DNASE2: variants seen among roughly 807,000 people sequenced by gnomAD.
DNASE2 encodes the protein deoxyribonuclease 2, lysosomal.
A neutral mutation model predicts 29.8 loss-of-function variants in DNASE2; 26 were observed. The observed-to-expected ratio is 0.87, with a 90% CI of 0.64 to 1.21. DNASE2 has a LOEUF of 1.21. Ranked by LOEUF, DNASE2 falls within the 50% of genes most tolerant of loss-of-function variation. The pLI is 0.00. For synonymous variants in DNASE2, 186 were observed against 193.5 expected, an observed-to-expected ratio of 0.96 and a Z score of 0.32; for missense variants, 415 against 455.6, an observed-to-expected ratio of 0.91 and a Z score of 0.81.
At position 12,876,296 on chromosome 19, in the gene DNASE2, A is replaced by G. The variant is rs368611869; in HGVS notation, c.777T>C (p.Thr259=). Residue 259 remains threonine, a synonymous_variant, in exon 6 of 6, where the codon ACT becomes ACC. Transcript: ENST00000222219. The part of the protein sequence containing the change: ...TNLQVQFWHK[T]VGILPSNCSD... ...AGCAGTTAGAGGGCAGGATGCCTACAGTTTTGTGCCAGAACTGGACCTGCA... is the reference window on the plus strand; with the variant it reads ...AGCAGTTAGAGGGCAGGATGCCTACGGTTTTGTGCCAGAACTGGACCTGCA... The G allele has an allele frequency of 3.7e-6, 6 of 1,613,978 alleles. No individual in the cohort carries two copies. Among genetic ancestry groups the G allele is most frequent in the Middle Eastern group, 3.3e-4 (2 of 6,082 alleles).
At position 12,878,285 on chromosome 19, in the gene DNASE2, G is replaced by C; in HGVS notation, c.709+97C>G. ...ATCATGTGATTATAGCTCCCAAACA[G>C]ACCTGGTCTCTACCGCTGACTTGAA... On this transcript the variant is annotated intron_variant, in intron 5 of 5. Coordinates refer to ENST00000222219, the MANE Select transcript of DNASE2 (RefSeq NM_001375.3). 9.4e-6 allele frequency: 14 copies of C among 1,482,162 alleles called. No individual in the cohort carries two copies. The South Asian group carries it at 1.5e-4, about 16-fold the overall frequency. The allele number at this position is 1,482,162 out of a possible 1,614,324, so 91.8% of individuals were successfully genotyped here.
chr19:12,881,104 C>T lies in DNASE2; in HGVS notation c.135G>A (p.Ala45=), dbSNP rs1441864216. ...LPALRGSGEA[A]QRGLQYKYLD... is the part of the protein sequence containing the mutation. ...GATACTTGTACTGCAGCCCTCTCTG[C>T]GCCGCCTCCCCGGACCCTCTAAGAG... Residue 45 remains alanine (A), a synonymous_variant, in exon 2 of 6, where the codon GCG becomes GCA. Transcript: ENST00000222219. 2 of 1,611,718 alleles carry T rather than the reference C, an allele frequency of 1.2e-6. No individual in the cohort carries two copies. The highest frequency in any genetic ancestry group is 1.7e-6 in the Non-Finnish European group (2 of 1,180,004).
chr19:12,880,101 G>A (rs1465797934), intron 3 of DNASE2, among the ~76,000 whole-genome samples: 27 of 34,450 alleles, frequency 7.8e-4, no homozygotes, highest in Middle Eastern at 0.02. Context: ...AGAGAGTGCC[G>A]CAAAAAAAAA....
In DNASE2 at chr19:12,875,719, A is replaced by G; in HGVS notation, c.*271T>C. 3.4e-5 allele frequency: 7 copies of G among 204,128 alleles called. No homozygotes were observed. The highest frequency in any genetic ancestry group is 1.4e-4 in the East Asian group (1 of 7,274). 12.6% of individuals were successfully genotyped at this position (204,128 alleles called of 1,614,324 possible). A position where few individuals can be genotyped will look rare whatever the true frequency, so the allele number is the denominator to read the frequency against. The stretch of plus-strand genomic sequence containing the variant: ...GTCCCCCGCCCCCCCTTTTTTTTTG[A>G]AACAGAGTCTTGCTATGTGACCCAG... On this transcript the variant is annotated 3_prime_UTR_variant, in exon 6 of 6. Coordinates refer to ENST00000222219, the MANE Select transcript of DNASE2 (RefSeq NM_001375.3).
intron 3 of DNASE2, among the ~76,000 whole-genome samples, chr19:12,879,891 GTCAGGAGT>G (rs1300463800): frequency 6.6e-6 from 1 of 151,858 alleles, no homozygotes; most frequent in African/African-American, 2.4e-5. Flanking sequence ...ATCACCTGAG[GTCAGGAGT>G]TCAATATCAG....
In DNASE2 at chr19:12,877,440, G is replaced by C. The variant is rs149530683; in HGVS notation, c.709+942C>G. On this transcript the variant is annotated intron_variant, in intron 5 of 5. Coordinates refer to ENST00000222219, the MANE Select transcript of DNASE2 (RefSeq NM_001375.3). The stretch of plus-strand genomic sequence containing the variant: ...TTTTTTGTAGAGATGGGGTCCCGCT[G>C]TGTTGCCCAGGCTGGTCTCAAACTC... 8.3e-3 allele frequency among the ~76,000 whole-genome samples: 1,254 copies of C among 151,312 alleles called. 19 individuals are homozygous for C. Among genetic ancestry groups the C allele is most frequent in the African/African-American group, 0.029 (1,187 of 41,212 alleles).
chr19:12,881,113 C>T lies in DNASE2; in HGVS notation c.126G>A (p.Gly42=), dbSNP rs1241999191. Residue 42 remains glycine (G), a synonymous_variant, in exon 2 of 6, where the codon GGG becomes GGA. Coordinates refer to ENST00000222219, the MANE Select transcript of DNASE2 (RefSeq NM_001375.3). ...ACTGCAGCCCTCTCTGCGCCGCCTC[C>T]CCGGACCCTCTAAGAGCTGGCAGCT... is the stretch of plus-strand genomic sequence containing the variant. ...VYKLPALRGS[G]EAAQRGLQYK... The T allele has an allele frequency of 6.2e-6, 10 of 1,611,900 alleles. No homozygotes were observed. Among genetic ancestry groups the T allele is most frequent in the Non-Finnish European group, 8.5e-6 (10 of 1,180,008 alleles).
rs1970314483 is a variant in DNASE2 at position 12,875,995 on chromosome 19, T to A, written c.1078A>T (p.Ile360Phe). ...ACTGCACCTGGCCATAAGGGTTAGA[T>A]CTTATAAGCTCTGCTGGGCTTCCTG... is the stretch of plus-strand genomic sequence containing the variant. ...MARKPSRAYK[I>F] is the part of the protein sequence containing the mutation. Residue 360 changes from isoleucine (I) to phenylalanine (F), a missense_variant, in exon 6 of 6, where the codon ATC (isoleucine) becomes TTC (phenylalanine). By Grantham distance (21) the Ile-to-Phe change is conservative (BLOSUM62 0). Coordinates refer to ENST00000222219, the MANE Select transcript of DNASE2 (RefSeq NM_001375.3). 1 of 1,613,082 alleles carries A rather than the reference T, an allele frequency of 6.2e-7. No homozygotes were observed. Among genetic ancestry groups the A allele is most frequent in the African/African-American group, 1.3e-5 (1 of 74,898 alleles).
Position 12,875,900 on chromosome 19 carries a change from C to G in DNASE2, c.*90G>C. 1 of 1,549,500 alleles carries G rather than the reference C, an allele frequency of 6.5e-7. No individual in the cohort carries two copies. The highest frequency in any genetic ancestry group is 8.8e-7 in the Non-Finnish European group (1 of 1,141,946). On this transcript the variant is annotated 3_prime_UTR_variant, in exon 6 of 6. Coordinates refer to ENST00000222219, the MANE Select transcript of DNASE2 (RefSeq NM_001375.3). ...GTCTCACTATGTAGCCCAGGCTGGT[C>G]TCGAATTCCTGAGTTCAAGTGATCC...
At chr19:12,881,254 C>G (rs758878928) in intron 1 of DNASE2, 36 bp downstream of exon 1, 2 of 1,594,718 alleles carry the variant, frequency 1.3e-6, no homozygotes, top group African/African-American at 1.3e-5. Flanking sequence ...GCAGCCGGAC[C>G]CCGGGGCGAT....
rs549580624 is a variant in DNASE2, at chr19:12,876,552, G to A, written c.710-189C>T. On this transcript the variant is annotated intron_variant, in intron 5 of 5. Transcript: ENST00000222219. ...TAGGCTCATTGCAACCTCTGCCTCCGAGGTTCAAGTGATTCTCCTGCCTCA... is the reference window on the plus strand; with the variant it reads ...TAGGCTCATTGCAACCTCTGCCTCCAAGGTTCAAGTGATTCTCCTGCCTCA... Among the ~76,000 whole-genome samples, 20 of 140,550 alleles carry A rather than the reference G, an allele frequency of 1.4e-4. No individual in the cohort carries two copies. In the South Asian group the frequency reaches 2.3e-3, roughly 16 times the overall value. 92.2% of individuals were successfully genotyped at this position (140,550 alleles called of 152,430 possible).
rs778890192 is a variant in DNASE2, at chr19:12,878,490, C to T, written c.601G>A (p.Val201Ile). The T allele has an allele frequency of 3.7e-6, 6 of 1,613,982 alleles. No homozygotes were observed. In the East Asian group the frequency reaches 1.1e-4, roughly 30 times the overall value. The change falls in exon 5 of 6, where the codon GTC becomes ATC. Residue 201 changes from valine (V) to isoleucine (I), a missense_variant. Physicochemically the swap from Val to Ile is conservative, Grantham distance 29. Coordinates refer to ENST00000222219, the MANE Select transcript of DNASE2 (RefSeq NM_001375.3). The stretch of plus-strand genomic sequence containing the variant: ...TCTTGGCTAACGTGGTGGCCCTTGA[C>T]CACATTCTCCAAGTCGGGGAATTCC... ...AQEFPDLENV[V>I]KGHHVSQEPW...
intron 3 of DNASE2, among the ~76,000 whole-genome samples, chr19:12,880,099 CCG>C (rs1264324783): frequency 2.7e-5 from 2 of 75,194 alleles, no homozygotes; most frequent in African/African-American, 5.5e-5. Flanking sequence ...AGAGAGAGTG[CCG>C]CAAAAAAAAA....
intron 3 of DNASE2, among the ~76,000 whole-genome samples, 181 bp from the exon 4 acceptor site, chr19:12,879,015 C>T (rs1256129012): frequency 1.3e-5 from 2 of 151,362 alleles, no homozygotes; most frequent in Non-Finnish European, 2.9e-5. Flanking sequence ...TGGTGGTGGA[C>T]GCCTGTAATC....
chr19:12,875,941 C>T lies in DNASE2; in HGVS notation c.*49G>A, dbSNP rs1239665377. The T allele has an allele frequency of 1.2e-6, 2 of 1,606,328 alleles. No individual in the cohort carries two copies. The highest frequency in any genetic ancestry group is 1.1e-5 in the South Asian group (1 of 90,516). On this transcript the variant is annotated 3_prime_UTR_variant, in exon 6 of 6. Transcript: ENST00000222219. ...CAAGTGATCCTCCCTCCTTGGCTTC[C>T]CAAAGTGCTGGGATTACATACGTGA...
chr19:12,879,116 T>G (rs1291980628), intron 3 of DNASE2, among the ~76,000 whole-genome samples: 1 of 150,150 alleles, frequency 6.7e-6, no homozygotes, highest in Admixed American at 6.7e-5. Context: ...CACTCCAGCC[T>G]GGGCCACAGA....
intron 3 of DNASE2, among the ~76,000 whole-genome samples, chr19:12,879,072 G>A (rs1442786485): frequency 6.6e-6 from 1 of 151,808 alleles, no homozygotes; most frequent in East Asian, 1.9e-4. Context: ...GAACCCAGGA[G>A]GTGGAGGTTG....
At chr19:12,879,194 A>T (rs1040156904) in intron 3 of DNASE2, among the ~76,000 whole-genome samples, 1 of 150,918 alleles carries the variant, frequency 6.6e-6, no homozygotes, top group African/African-American at 2.4e-5. Context: ...AAATAAATAA[A>T]AATTTAAAAA....
At position 12,876,070 on chromosome 19, in the gene DNASE2, T is replaced by C; in HGVS notation, c.1003A>G (p.Lys335Glu). 6.2e-7 allele frequency: 1 copy of C among 1,614,108 alleles called. No homozygotes were observed. Among genetic ancestry groups the C allele is most frequent in the Non-Finnish European group, 8.5e-7 (1 of 1,180,016 alleles). ...TLCAQLPALW[K>E]AFQPLVKNYQ... ...TTCTTCACCAGCGGCTGGAAGGCTT[T>C]CCAGAGGGCTGGCAGCTGGGCACAC... is the stretch of plus-strand genomic sequence containing the variant. Residue 335 changes from lysine (K) to glutamate (E), a missense_variant, in exon 6 of 6, where the codon AAA becomes GAA. By Grantham distance (56) the Lys-to-Glu change is moderately conservative. Coordinates refer to ENST00000222219, the MANE Select transcript of DNASE2 (RefSeq NM_001375.3).
Sources: gnomAD v4.1 joint callset for allele counts (sites outside exome capture counted in the v4.1 genomes callset) on GRCh38, gnomAD v4.1.1 for gene constraint, MANE v1.5 for transcripts, NCBI Gene and HGNC (gene_info 2026-07-23, HGNC 2026-07-21) for gene names.